SHANK1: variants seen among roughly 807,000 people sequenced by gnomAD.
SHANK1 encodes the protein SH3 and multiple ankyrin repeat domains 1, also known as SH3 and multiple ankyrin repeat domains protein 1.
Under a neutral mutation model 165.6 loss-of-function variants are expected in SHANK1, and 35 were observed. That is an observed-to-expected ratio of 0.21 (90% CI 0.16 to 0.28). The LOEUF (loss-of-function observed/expected upper bound fraction) is 0.28. Among genes scored for constraint, SHANK1 ranks in the 10% least tolerant of loss-of-function variants. SHANK1 has a pLI of 1.00. For synonymous variants in SHANK1, 1,428 were observed against 1,384.8 expected (o/e 1.03, Z -0.69); for missense variants, 2,681 against 3,036.4 (o/e 0.88, Z 2.75).
intron 21 of SHANK1, among the ~76,000 whole-genome samples, chr19:50,684,229 G>GTTTTT (rs199744718): frequency 2.7e-4 from 39 of 147,148 alleles, no homozygotes; most frequent in African/African-American, 8.2e-4. Flanking sequence ...AAGGAAGAAG[G>GTTTTT]TTTTTTTTTT....
intron 21 of SHANK1, among the ~76,000 whole-genome samples, chr19:50,673,848 C>CA (rs1268035048): frequency 6.8e-6 from 1 of 148,114 alleles, no homozygotes; most frequent in African/African-American, 2.5e-5. Flanking sequence ...GGCTGGAGTG[C>CA]AGTGGCGTTA....
Position 50,661,905 on chromosome 19 carries a change from G to T in SHANK1, c.*60C>A. 4 of 1,581,502 alleles carry T rather than the reference G, an allele frequency of 2.5e-6. No homozygotes were observed. The highest frequency in any genetic ancestry group is 3.5e-6 in the Non-Finnish European group (4 of 1,153,762). On this transcript the variant is annotated 3_prime_UTR_variant, in exon 24 of 24. Transcript: ENST00000293441. ...AGAGAATGACAGTCAGGGGTCAGAG[G>T]TCAAGAGGCCAGCAGGCTCAAGAGT... is the stretch of plus-strand genomic sequence containing the variant.
chr19:50,673,203 C>T (rs1985861412), intron 21 of SHANK1, among the ~76,000 whole-genome samples: 1 of 152,048 alleles, frequency 6.6e-6, no homozygotes, highest in Non-Finnish European at 1.5e-5. Flanking sequence ...GCTTGACTTC[C>T]TTCCACAACC....
chr19:50,713,920 C>G lies in SHANK1; in HGVS notation c.670G>C (p.Glu224Gln), dbSNP rs762352076. ...ETPLTLAAQT[E>Q]GSVEVIRTLC... The stretch of plus-strand genomic sequence containing the variant: ...GTTCGAATCACCTCTACAGAGCCTT[C>G]GGTCTGGGCCGCCAGTGTCAAGGGG... The change falls in exon 6 of 24, where the codon GAA becomes CAA. Residue 224 changes from glutamate (E) to glutamine (Q), a missense_variant. Transcript: ENST00000293441. This position sits in a 1 kb window ranked among gnomAD's most constrained non-coding sequence, Gnocchi z 6.2. 6.2e-7 allele frequency: 1 copy of G among 1,613,758 alleles called. No individual in the cohort carries two copies. The highest frequency in any genetic ancestry group is 1.7e-5 in the Admixed American group (1 of 60,008).
intron 21 of SHANK1, among the ~76,000 whole-genome samples, chr19:50,679,558 T>G (rs1210736615): frequency 6.6e-6 from 1 of 152,150 alleles, no homozygotes; most frequent in African/African-American, 2.4e-5. Flanking sequence ...GTGCGCAGCC[T>G]TGCATGACGT....
intron 21 of SHANK1, among the ~76,000 whole-genome samples, chr19:50,681,699 G>A (rs1043880207): frequency 6.6e-6 from 1 of 152,138 alleles, no homozygotes; most frequent in African/African-American, 2.4e-5. Flanking sequence ...CTGGTGTTGC[G>A]GGGTCTCTGG....
chr19:50,682,618 T>C (rs12979254), intron 21 of SHANK1, among the ~76,000 whole-genome samples: 18,659 of 152,148 alleles, frequency 0.12, 1,545 homozygotes, highest in Middle Eastern at 0.19. Flanking sequence ...ACCTGGGGTA[T>C]GGTTAGAGAC....
At chr19:50,676,276 T>C (rs1985980126) in intron 21 of SHANK1, among the ~76,000 whole-genome samples, 1 of 152,014 alleles carries the variant, frequency 6.6e-6, no homozygotes. Context: ...GCACTCCTGC[T>C]TGGGTAACGG....
At position 50,716,253 on chromosome 19, in the gene SHANK1, G is replaced by A. The variant is rs749678012; in HGVS notation, c.459+22C>T. ...TTAGGGCATGCCTTCTCTTATCAGT[G>A]AAGGAGTTGGGGAAGCTTCACCTCC... On this transcript the variant is annotated intron_variant, in intron 3 of 23. Coordinates refer to ENST00000293441, the MANE Select transcript of SHANK1 (RefSeq NM_016148.5). The surrounding 1 kb of genome is among the most constrained non-coding windows in gnomAD (Gnocchi z 8.4). The A allele has an allele frequency of 4.4e-6, 7 of 1,608,090 alleles. No homozygotes were observed. The highest frequency in any genetic ancestry group is 6.0e-6 in the Non-Finnish European group (7 of 1,174,866).
At chr19:50,693,606 G>A (rs956772776) in intron 15 of SHANK1, among the ~76,000 whole-genome samples, 2 of 148,912 alleles carry the variant, frequency 1.3e-5, no homozygotes, top group Admixed American at 6.7e-5. Flanking sequence ...ACACACCCAG[G>A]GTCCGCCAGC....
intron 15 of SHANK1, among the ~76,000 whole-genome samples, chr19:50,694,663 AG>A (rs1309516793): frequency 1.1e-4 from 9 of 80,338 alleles, no homozygotes; most frequent in Middle Eastern, 7.8e-3. Context: ...AGTGCGTATT[AG>A]GGGGGAGGGT....
At chr19:50,663,940 C>CTCTCTT (rs370276151) in intron 23 of SHANK1, among the ~76,000 whole-genome samples, 5 of 108,936 alleles carry the variant, frequency 4.6e-5, no homozygotes, top group African/African-American at 1.9e-4. Context: ...CTCTCTCTCT[C>CTCTCTT]TTTTTTTTTT....
At chr19:50,681,749 T>C (rs1986188568) in intron 21 of SHANK1, among the ~76,000 whole-genome samples, 1 of 152,174 alleles carries the variant, frequency 6.6e-6, no homozygotes. Flanking sequence ...TGGTGGACTT[T>C]CTAGTTTATT....
Position 50,660,296 on chromosome 19 carries a change from G to A in SHANK1, c.*1669C>T, listed in dbSNP as rs1458294188. On this transcript the variant is annotated 3_prime_UTR_variant, in exon 24 of 24. Transcript: ENST00000293441. ...GAGCTTCTTGGAGTGGACAGGTTAG[G>A]AGAGGGCAATCTTCGTGCAAAAGGG... Among the ~76,000 whole-genome samples the A allele has an allele frequency of 7.2e-5, 11 of 152,016 alleles. No individual in the cohort carries two copies.
intron 21 of SHANK1, 90 bp from the exon 22 acceptor site, chr19:50,672,204 C>T (rs1299667836): frequency 1.9e-6 from 2 of 1,041,374 alleles, no homozygotes; most frequent in Non-Finnish European, 2.9e-6. Flanking sequence ...TATACGGCTG[C>T]CCCCATTCCT....
chr19:50,686,222 C>T lies in SHANK1; in HGVS notation c.2577+15G>A, dbSNP rs371471935. 3.5e-5 allele frequency: 54 copies of T among 1,534,712 alleles called. No individual in the cohort carries two copies. In the African/African-American group the frequency reaches 5.8e-4, roughly 16 times the overall value. The stretch of plus-strand genomic sequence containing the variant: ...CCTCCCCCCTGGCAGTTCCTCCCCA[C>T]ACCAGGCCGCCTACCTCAGTGGCAA... On this transcript the variant is annotated intron_variant, in intron 21 of 23. Coordinates refer to ENST00000293441, the MANE Select transcript of SHANK1 (RefSeq NM_016148.5). This position sits in a 1 kb window ranked among gnomAD's most constrained non-coding sequence, Gnocchi z 5.7.
At chr19:50,684,173 G>A (rs1238533171) in intron 21 of SHANK1, among the ~76,000 whole-genome samples, 2 of 151,904 alleles carry the variant, frequency 1.3e-5, no homozygotes, top group Non-Finnish European at 1.5e-5. Context: ...AGGAAACAGG[G>A]TCAAAAAAGG....
intron 7 of SHANK1, among the ~76,000 whole-genome samples, chr19:50,711,717 G>T (rs1390483937): frequency 2.0e-5 from 3 of 152,202 alleles, no homozygotes; most frequent in Admixed American, 6.5e-5. Flanking sequence ...TCCTTAAGGG[G>T]GTCAAGAGGA....
In SHANK1 at chr19:50,663,934, CTCTCTCTT is replaced by C. The variant is rs1985374446; in HGVS notation, c.5769-1260_5769-1253del. Among the ~76,000 whole-genome samples, 3 of 74,694 alleles carry C rather than the reference CTCTCTCTT, an allele frequency of 4.0e-5. No homozygotes were observed. The South Asian group carries it at 1.1e-3, about 27-fold the overall frequency. 49.0% of individuals were successfully genotyped at this position (74,694 alleles called of 152,430 possible). ...TCCTTTTTCTTTTCTTTCTCTCTCT[CTCTCTCTT>C]TTTTTTTTTTTTTTTAAGACAGGGT... On this transcript the variant is annotated intron_variant, in intron 23 of 23. Coordinates refer to ENST00000293441, the MANE Select transcript of SHANK1 (RefSeq NM_016148.5).
Sources: gnomAD v4.1 joint callset for allele counts (sites outside exome capture counted in the v4.1 genomes callset) on GRCh38, gnomAD v4.1.1 for gene constraint, Gnocchi (gnomAD v3.1) non-coding constraint, MANE v1.5 for transcripts, NCBI Gene and HGNC (gene_info 2026-07-23, HGNC 2026-07-21) for gene names.